SLC22A23: variants seen among roughly 807,000 people sequenced by gnomAD.
The protein encoded by SLC22A23 is ion transporter protein.
In SLC22A23, 26 loss-of-function variants were observed where a neutral mutation model predicts 61.0. The observed-to-expected ratio is 0.43, with a 90% CI of 0.31 to 0.59. The LOEUF (loss-of-function observed/expected upper bound fraction) is 0.59, where lower values mean the gene tolerates loss of function less well. SLC22A23 is among the 20% of genes least tolerant of loss of function. The probability of loss-of-function intolerance (pLI) is 0.11; values close to 1 mark genes in which losing one functional copy is unlikely to be tolerated. For missense variants in SLC22A23, 796 were observed against 934.7 expected, an observed-to-expected ratio of 0.85 and a Z score of 1.94; for synonymous variants, 430 against 413.9, an observed-to-expected ratio of 1.04 and a Z score of -0.47.
rs998383584 is a variant in SLC22A23, at chr6:3,271,854, T to C, written c.*1201A>G. ...GAGCTTTGGTGAGTTATTGCTTTCT[T>C]TCAATTTGTCTTGATGCCTTCGAGA... On this transcript the variant is annotated 3_prime_UTR_variant, in exon 10 of 10. Coordinates refer to ENST00000406686, the MANE Select transcript of SLC22A23 (RefSeq NM_015482.2). 1.3e-5 allele frequency: 2 copies of C among 152,442 alleles called. No individual in the cohort carries two copies. The highest frequency in any genetic ancestry group is 1.3e-4 in the Admixed American group (2 of 15,286). 9.4% of individuals were successfully genotyped at this position (152,442 alleles called of 1,614,324 possible).
At chr6:3,277,014 T>A (rs1196343087) in intron 9 of SLC22A23, 1 of 152,176 alleles carries the variant, frequency 6.6e-6, no homozygotes, top group African/African-American at 2.4e-5. Flanking sequence ...AATGTCCAAG[T>A]GCAGTGGAGG....
intron 8 of SLC22A23, chr6:3,284,826 A>AG: frequency 1.5e-6 from 2 of 1,342,222 alleles, no homozygotes; most frequent in African/African-American, 1.4e-5. Context: ...GCCTGGTGCC[A>AG]GGGGAAGGGG....
intron 3 of SLC22A23, among the ~76,000 whole-genome samples, chr6:3,397,224 T>C (rs1023476119): frequency 6.6e-6 from 1 of 152,250 alleles, no homozygotes; most frequent in African/African-American, 2.4e-5. Context: ...TTACCTTCCC[T>C]AGGCCTCAGA....
chr6:3,323,617 T>A (rs73354740), intron 4 of SLC22A23: 2 of 625,274 alleles, frequency 3.2e-6, no homozygotes, highest in African/African-American at 3.7e-5. Context: ...GGTGATGGGC[T>A]CATTCCACTC....
At position 3,330,257 on chromosome 6, in the gene SLC22A23, C is replaced by G. The variant is rs1581700849; in HGVS notation, c.914-6255G>C. ...AAGGAAGGAGGTGCAGTTTTCTCAA[C>G]AGAGACTGGAGGGCTGGCCATGCTG... is the stretch of plus-strand genomic sequence containing the variant. On this transcript the variant is annotated intron_variant, in intron 3 of 9. Transcript: ENST00000406686. This position sits in a 1 kb window ranked among gnomAD's most constrained non-coding sequence, Gnocchi z 4.7. 2.0e-5 allele frequency among the ~76,000 whole-genome samples: 3 copies of G among 152,334 alleles called. No individual in the cohort carries two copies. The highest frequency in any genetic ancestry group is 2.9e-5 in the Non-Finnish European group (2 of 68,016).
chr6:3,352,264 CAG>C (rs1368351363), intron 3 of SLC22A23, among the ~76,000 whole-genome samples: 1 of 131,762 alleles, frequency 7.6e-6, no homozygotes, highest in African/African-American at 3.4e-5. Flanking sequence ...CATACACACA[CAG>C]ACATGCACAC....
At chr6:3,279,818 G>C (rs1759271946) in intron 9 of SLC22A23, among the ~76,000 whole-genome samples, 1 of 152,104 alleles carries the variant, frequency 6.6e-6, no homozygotes, top group Admixed American at 6.5e-5. Context: ...GCCTCCTTGG[G>C]CTTTAGGAGC....
intron 3 of SLC22A23, among the ~76,000 whole-genome samples, chr6:3,407,481 T>C (rs2127509108): frequency 6.6e-6 from 1 of 152,338 alleles, no homozygotes; most frequent in Middle Eastern, 3.4e-3. Context: ...CCATTATGAC[T>C]ATTTCCTTTT....
In SLC22A23 at chr6:3,283,969, C is replaced by T. The variant is rs778895519; in HGVS notation, c.1586G>A (p.Ser529Asn). 4.4e-6 allele frequency: 7 copies of T among 1,604,582 alleles called. No homozygotes were observed. The highest frequency in any genetic ancestry group is 1.7e-4 in the Middle Eastern group (1 of 5,908). ...KYSQHPDSGM[S>N]DSVKDKFSIA... ...GGAAAATTTGTCCTTGACGCTGTCA[C>T]TCATCCCTGGGGGAAGGTCAGAAGA... Residue 529 changes from serine to asparagine, a missense_variant, in exon 9 of 10, where the codon AGT (serine) becomes AAT (asparagine). Transcript: ENST00000406686.
intron 4 of SLC22A23, chr6:3,303,012 C>T (rs1761724827): frequency 6.6e-6 from 1 of 151,560 alleles, no homozygotes. Context: ...ACCTCAACAG[C>T]AAAAAAAGAA....
chr6:3,412,434 G>A (rs535427624), intron 2 of SLC22A23, among the ~76,000 whole-genome samples: 251 of 152,266 alleles, frequency 1.6e-3, no homozygotes, highest in African/African-American at 5.2e-3. Flanking sequence ...TAATGTTATC[G>A]ACAGGAGTGG....
rs1770903333 is a variant in SLC22A23, at chr6:3,432,086, A to G, written c.655-16231T>C. 7.1e-6 allele frequency: 3 copies of G among 421,818 alleles called. No homozygotes were observed. In the South Asian group the frequency reaches 3.0e-4, roughly 42 times the overall value. The allele number at this position is 421,818 out of a possible 1,614,324, so 26.1% of individuals were successfully genotyped here. On this transcript the variant is annotated intron_variant, in intron 1 of 9. Transcript: ENST00000406686. ...CACAAAGCTTTATGCTATAGGTGTC[A>G]TCTCTACCTTGGAAATTAGGTTCCA...
chr6:3,320,053 T>A (rs1762860806), intron 4 of SLC22A23, among the ~76,000 whole-genome samples: 1 of 152,210 alleles, frequency 6.6e-6, no homozygotes, highest in African/African-American at 2.4e-5. Context: ...AGCTCAGTTC[T>A]CACGGCATCA....
At chr6:3,378,365 G>A (rs1023886338) in intron 3 of SLC22A23, among the ~76,000 whole-genome samples, 2 of 152,180 alleles carry the variant, frequency 1.3e-5, no homozygotes, top group African/African-American at 2.4e-5. Flanking sequence ...ACCTCGGCCC[G>A]TGATTCAGCA....
chr6:3,299,808 C>T (rs750702750), intron 4 of SLC22A23, among the ~76,000 whole-genome samples: 8 of 147,412 alleles, frequency 5.4e-5, no homozygotes, highest in Non-Finnish European at 1.2e-4. Flanking sequence ...GGCAGCTGAC[C>T]CTTGACTGTT....
chr6:3,323,580 C>T, intron 4 of SLC22A23: 1 of 556,188 alleles, frequency 1.8e-6, no homozygotes, highest in Non-Finnish European at 3.2e-6. Flanking sequence ...CCAGACTGGC[C>T]AGTGCATTTG....
intron 4 of SLC22A23, among the ~76,000 whole-genome samples, chr6:3,307,007 A>G (rs1391390201): frequency 6.6e-6 from 1 of 152,232 alleles, no homozygotes; most frequent in Non-Finnish European, 1.5e-5. Flanking sequence ...GGATACAGCA[A>G]TGGAGGGGCA....
chr6:3,456,512 C>T lies in SLC22A23; in HGVS notation c.48G>A (p.Arg16=). Residue 16 remains arginine, a synonymous_variant, in exon 1 of 10, where the codon CGG becomes CGA. Transcript: ENST00000406686. The surrounding 1 kb of genome is among the most constrained non-coding windows in gnomAD (Gnocchi z 7.1). ...CGTTCTCCTCGGCCGGGGCCGGCTG[C>T]CGCCCAGGCCCGCCGCCCGCCGCCT... The part of the protein sequence containing the change: ...RREAAGGGPG[R]QPAPAEENGS... The T allele has an allele frequency of 6.0e-6, 6 of 997,640 alleles. No individual in the cohort carries two copies. The highest frequency in any genetic ancestry group is 7.1e-6 in the Non-Finnish European group (6 of 839,904). The allele number at this position is 997,640 out of a possible 1,614,324, so 61.8% of individuals were successfully genotyped here.
Position 3,269,672 on chromosome 6 carries a change from T to C in SLC22A23, c.*3383A>G, listed in dbSNP as rs1321106114. The C allele has an allele frequency of 1.3e-5, 2 of 152,660 alleles. No individual in the cohort carries two copies. Among genetic ancestry groups the C allele is most frequent in the Admixed American group, 1.3e-4 (2 of 15,276 alleles). 9.5% of individuals were successfully genotyped at this position (152,660 alleles called of 1,614,324 possible). On this transcript the variant is annotated 3_prime_UTR_variant, in exon 10 of 10. Coordinates refer to ENST00000406686, the MANE Select transcript of SLC22A23 (RefSeq NM_015482.2). Reference sequence around the variant, plus strand: ...ACAACCTCAAGGACAGGGAGGGAAGTGTTCGCCGCTAGACATGACACACCA... The same window carrying C: ...ACAACCTCAAGGACAGGGAGGGAAGCGTTCGCCGCTAGACATGACACACCA...
Sources: allele counts gnomAD v4.1 joint callset (sites outside exome capture counted in the v4.1 genomes callset), GRCh38; gene constraint gnomAD v4.1.1; non-coding constraint Gnocchi (gnomAD v3.1); transcripts MANE v1.5; gene names NCBI Gene and HGNC (gene_info 2026-07-23, HGNC 2026-07-21).